ADGRG7: variants seen among roughly 807,000 people sequenced by gnomAD.
ADGRG7 encodes the protein G-protein coupled receptor 128.
A neutral mutation model predicts 88.6 loss-of-function variants in ADGRG7; 82 were observed. The ratio of observed to expected loss-of-function variants is 0.93; its 90% CI spans 0.77 to 1.11. The LOEUF is 1.11. Among genes scored for constraint, ADGRG7 ranks in the 50% most tolerant of loss-of-function variants. The pLI is 0.00. For synonymous variants in ADGRG7, 381 were observed against 345.2 expected (o/e 1.10, Z -1.15); for missense variants, 945 against 953.4 (o/e 0.99, Z 0.12).
intron 6 of ADGRG7, among the ~76,000 whole-genome samples, chr3:100,640,756 A>T (rs1576320733): frequency 6.6e-6 from 1 of 152,180 alleles, no homozygotes; most frequent in Non-Finnish European, 1.5e-5. Context: ...TCCTGACCTC[A>T]GGTGATCCAC....
chr3:100,655,950 A>G lies in ADGRG7; in HGVS notation c.1778A>G (p.Asn593Ser). Residue 593 changes from asparagine to serine, a missense_variant, in exon 13 of 16, where the codon AAT (asparagine) becomes AGT (serine). Physicochemically the swap from Asn to Ser is conservative, Grantham distance 46. Transcript: ENST00000273352. ...AITVGVIYSQ[N>S]GNNPQWELDY... ...ACAGTGGGAGTTATTTATTCTCAGA[A>G]TGGAAATAATCCACAGTGGGAATTA... The G allele has an allele frequency of 6.2e-7, 1 of 1,610,330 alleles. No individual in the cohort carries two copies. The highest frequency in any genetic ancestry group is 1.1e-5 in the South Asian group (1 of 90,920).
chr3:100,644,606 C>T (rs757078042), intron 8 of ADGRG7, among the ~76,000 whole-genome samples: 22 of 152,086 alleles, frequency 1.4e-4, no homozygotes, highest in Non-Finnish European at 2.5e-4. Context: ...CGAATCACTG[C>T]AGCCTCAACC....
intron 1 of ADGRG7, among the ~76,000 whole-genome samples, chr3:100,611,656 G>C (rs1707156659): frequency 6.6e-6 from 1 of 152,156 alleles, no homozygotes; most frequent in Non-Finnish European, 1.5e-5. Context: ...CTTTTCTCTT[G>C]TTCTGAGAAG....
At chr3:100,686,183 G>T (rs983948242) in intron 15 of ADGRG7, among the ~76,000 whole-genome samples, 15 of 151,890 alleles carry the variant, frequency 9.9e-5, no homozygotes, top group African/African-American at 3.6e-4. Context: ...CTTTTGAGAA[G>T]TGTCTGTTCA....
chr3:100,629,646 G>C lies in ADGRG7; in HGVS notation c.164G>C (p.Gly55Ala). The change falls in exon 2 of 16, where the codon GGT becomes GCT. Residue 55 changes from glycine (G) to alanine (A), a missense_variant. Physicochemically the swap from Gly to Ala is moderately conservative, Grantham distance 60 (BLOSUM62 0). Coordinates refer to ENST00000273352, the MANE Select transcript of ADGRG7 (RefSeq NM_032787.3). ...ACCCCTACAGAGTTCTGCAGGAATG[G>C]TGGAACCTGGGAAAATGGCAGATGT... ...SSTPTEFCRN[G>A]GTWENGRCIC... 2 of 1,613,404 alleles carry C rather than the reference G, an allele frequency of 1.2e-6. No individual in the cohort carries two copies. Among genetic ancestry groups the C allele is most frequent in the East Asian group, 4.5e-5 (2 of 44,840 alleles).
chr3:100,630,808 T>C lies in ADGRG7; in HGVS notation c.333T>C (p.Asn111=). 6.9e-7 allele frequency: 1 copy of C among 1,448,444 alleles called. No homozygotes were observed. 89.7% of individuals were successfully genotyped at this position (1,448,444 alleles called of 1,614,324 possible). Residue 111 remains asparagine, a splice_region_variant and synonymous_variant, in exon 3 of 16, where the codon AAT becomes AAC. Transcript: ENST00000273352. ...AAACATGTGGCAAGGATACTCCAAA[T>C]GGTATGTGTTTTCCCAAACATTTAC... The part of the protein sequence containing the change: ...SLQTCGKDTP[N]AGNPMAVRLC...
chr3:100,674,594 T>C (rs980177227), intron 15 of ADGRG7, among the ~76,000 whole-genome samples: 16 of 151,310 alleles, frequency 1.1e-4, no homozygotes, highest in African/African-American at 3.9e-4. Context: ...TTTTTTTTTT[T>C]TGAGACAGAG....
intron 5 of ADGRG7, among the ~76,000 whole-genome samples, chr3:100,636,854 T>C (rs765023947): frequency 9.2e-5 from 14 of 152,220 alleles, no homozygotes; most frequent in Non-Finnish European, 1.6e-4. Flanking sequence ...TCCTGAGTTA[T>C]TGATTGAAAG....
At chr3:100,674,457 A>G (rs562013986) in intron 15 of ADGRG7, among the ~76,000 whole-genome samples, 17 of 152,140 alleles carry the variant, frequency 1.1e-4, no homozygotes, top group Admixed American at 5.9e-4. Flanking sequence ...TGTCCTCTTC[A>G]ATTGGTTGCA....
intron 15 of ADGRG7, among the ~76,000 whole-genome samples, chr3:100,677,834 T>C (rs1441426251): frequency 1.3e-5 from 2 of 152,194 alleles, no homozygotes; most frequent in East Asian, 1.9e-4. Context: ...TATTTTCTCT[T>C]GCTGCTTTTA....
chr3:100,670,343 A>T (rs1251538298), intron 15 of ADGRG7, among the ~76,000 whole-genome samples: 1 of 152,154 alleles, frequency 6.6e-6, no homozygotes, highest in East Asian at 1.9e-4. Flanking sequence ...ACAGGATCTC[A>T]TTCTTTTTAA....
chr3:100,676,430 A>G (rs1482669556), intron 15 of ADGRG7, among the ~76,000 whole-genome samples: 1 of 151,902 alleles, frequency 6.6e-6, no homozygotes, highest in African/African-American at 2.4e-5. Context: ...CTTGTTATTG[A>G]TTTCTAGTTT....
chr3:100,615,959 C>A (rs547623299), intron 1 of ADGRG7, among the ~76,000 whole-genome samples: 13 of 151,752 alleles, frequency 8.6e-5, no homozygotes, highest in African/African-American at 3.1e-4. Flanking sequence ...ACTTACTAGC[C>A]CAAAGAAGCA....
intron 6 of ADGRG7, among the ~76,000 whole-genome samples, chr3:100,640,332 A>T (rs1190180626): frequency 6.6e-6 from 1 of 152,126 alleles, no homozygotes; most frequent in Non-Finnish European, 1.5e-5. Context: ...TTCTCTTGGT[A>T]TCTCTCAGCT....
intron 15 of ADGRG7, among the ~76,000 whole-genome samples, chr3:100,676,504 G>A (rs1479205981): frequency 6.6e-6 from 1 of 151,930 alleles, no homozygotes; most frequent in Non-Finnish European, 1.5e-5. Context: ...TTAAAGATTT[G>A]TTTTATGTTT....
intron 1 of ADGRG7, among the ~76,000 whole-genome samples, chr3:100,611,052 A>C (rs1054869907): frequency 1.3e-5 from 2 of 152,206 alleles, no homozygotes; most frequent in African/African-American, 2.4e-5. Context: ...AGAGAACTAG[A>C]ATGAGAAAAT....
At chr3:100,618,574 A>G (rs1707260080) in intron 1 of ADGRG7, among the ~76,000 whole-genome samples, 3 of 152,046 alleles carry the variant, frequency 2.0e-5, no homozygotes, top group Non-Finnish European at 2.9e-5. Flanking sequence ...CCATTGTTCT[A>G]TATCTCTGTT....
chr3:100,609,807 A>G lies in ADGRG7; in HGVS notation c.-50A>G, dbSNP rs1408969836. 3 of 1,375,888 alleles carry G rather than the reference A, an allele frequency of 2.2e-6. No homozygotes were observed. In the African/African-American group the frequency reaches 4.3e-5, roughly 20 times the overall value. 85.2% of individuals were successfully genotyped at this position (1,375,888 alleles called of 1,614,324 possible). ...TTAAACTTTTTAGCTCAAGAAGAAA[A>G]GAAGCTAGTTATTTCTCACCCAGGA... On this transcript the variant is annotated 5_prime_UTR_variant, in exon 1 of 16. Transcript: ENST00000273352.
chr3:100,669,027 A>G lies in ADGRG7; in HGVS notation c.2058A>G (p.Leu686=). ...TTGTTTTTGGAATTACCTGGATTCTAGCATACCTGATGCTAGTTAATGATG... is the reference window on the plus strand; with the variant it reads ...TTGTTTTTGGAATTACCTGGATTCTGGCATACCTGATGCTAGTTAATGATG... ...VAVVFGITWI[L]AYLMLVNDDS... The change falls in exon 15 of 16, where the codon CTA becomes CTG. Residue 686 remains leucine (L), a synonymous_variant. Coordinates refer to ENST00000273352, the MANE Select transcript of ADGRG7 (RefSeq NM_032787.3). The G allele has an allele frequency of 6.2e-7, 1 of 1,606,532 alleles. No homozygotes were observed. The highest frequency in any genetic ancestry group is 8.5e-7 in the Non-Finnish European group (1 of 1,176,736).
Sources: gnomAD v4.1 joint callset for allele counts (sites outside exome capture counted in the v4.1 genomes callset) on GRCh38, gnomAD v4.1.1 for gene constraint, MANE v1.5 for transcripts, NCBI Gene and HGNC (gene_info 2026-07-23, HGNC 2026-07-21) for gene names.